Variants in DUSP22 observed in about 807,000 individuals in gnomAD.
The protein encoded by DUSP22 is dual specificity protein phosphatase 22.
In DUSP22, 24 loss-of-function variants were observed where a neutral mutation model predicts 24.5. That is an observed-to-expected ratio of 0.98 (90% CI 0.71 to 1.38). The LOEUF (loss-of-function observed/expected upper bound fraction) is 1.38. Among genes scored for constraint, DUSP22 ranks in the 40% most tolerant of loss-of-function variants. DUSP22 has a pLI of 0.00. For synonymous variants in DUSP22, 160 were observed against 106.4 expected, an observed-to-expected ratio of 1.50 and a Z score of -3.10; for missense variants, 330 against 269.2, an observed-to-expected ratio of 1.23 and a Z score of -1.58.
intron 3 of DUSP22, among the ~76,000 whole-genome samples, chr6:332,432 TG>T (rs1463615574): frequency 4.6e-5 from 7 of 152,298 alleles, no homozygotes; most frequent in Non-Finnish European, 8.8e-5. Context: ...CGTCTTCCTG[TG>T]GGTAGATTCT....
chr6:320,799 G>A (rs1450812953), intron 3 of DUSP22, among the ~76,000 whole-genome samples: 1 of 152,294 alleles, frequency 6.6e-6, no homozygotes, highest in East Asian at 1.9e-4. Flanking sequence ...ATGATAGAGT[G>A]GAGGCGGTGG....
intron 2 of DUSP22, among the ~76,000 whole-genome samples, chr6:310,638 G>T (rs1758039827): frequency 6.6e-6 from 1 of 152,306 alleles, no homozygotes; most frequent in Admixed American, 6.5e-5. Context: ...GACGTCTGGG[G>T]AAAGAAGTAA....
At chr6:345,241 CCT>C (rs1759805686) in intron 4 of DUSP22, among the ~76,000 whole-genome samples, 1 of 56,616 alleles carries the variant, frequency 1.8e-5, no homozygotes, top group Admixed American at 1.6e-4. Context: ...TTTTTTTTTT[CCT>C]CTGTTGCCCA....
chr6:341,029 G>A (rs1451873650), intron 4 of DUSP22, among the ~76,000 whole-genome samples: 2 of 152,306 alleles, frequency 1.3e-5, no homozygotes, highest in Non-Finnish European at 2.9e-5. Flanking sequence ...CCCAGGCAGA[G>A]GGTGCTGGTC....
Position 348,818 on chromosome 6 carries a change from C to G in DUSP22, c.485C>G (p.Ala162Gly). ...EEYGESPLQD[A>G]EEAKNILGKY... is the part of the protein sequence containing the mutation. ...TATGGAGAGAGCCCTTTGCAGGATG[C>G]AGAAGAAGCCAAAAACATTCTGGGT... Residue 162 changes from alanine to glycine, a missense_variant, in exon 7 of 7, where the codon GCA becomes GGA. By Grantham distance (60) the Ala-to-Gly change is moderately conservative. Coordinates refer to ENST00000419235, the MANE Select transcript of DUSP22 (RefSeq NM_001286555.3). 6.2e-7 allele frequency: 1 copy of G among 1,614,314 alleles called. No individual in the cohort carries two copies. Among genetic ancestry groups the G allele is most frequent in the Non-Finnish European group, 8.5e-7 (1 of 1,180,062 alleles).
intron 1 of DUSP22, among the ~76,000 whole-genome samples, chr6:299,309 C>T (rs1041467652): frequency 3.3e-5 from 5 of 152,304 alleles, no homozygotes; most frequent in Admixed American, 6.5e-5. Context: ...CTCTATAAAT[C>T]GTCTCTCTGC....
chr6:299,702 C>T (rs1561646240), intron 1 of DUSP22, among the ~76,000 whole-genome samples: 1 of 152,306 alleles, frequency 6.6e-6, no homozygotes, highest in Non-Finnish European at 1.5e-5. Context: ...GTAAAATACT[C>T]ATCTTCAATT....
chr6:342,789 A>G (rs1356514488), intron 4 of DUSP22, among the ~76,000 whole-genome samples: 1 of 152,312 alleles, frequency 6.6e-6, no homozygotes, highest in African/African-American at 2.4e-5. Context: ...AAGGTTTTCC[A>G]GAAGTCCCTA....
chr6:302,076 G>A (rs1211740140), intron 1 of DUSP22, among the ~76,000 whole-genome samples: 2 of 152,300 alleles, frequency 1.3e-5, no homozygotes, highest in South Asian at 2.1e-4. Context: ...GGACTGGAGT[G>A]TCAGATGGCG....
At chr6:318,701 C>T (rs1758440799) in intron 3 of DUSP22, among the ~76,000 whole-genome samples, 1 of 152,312 alleles carries the variant, frequency 6.6e-6, no homozygotes, top group Non-Finnish European at 1.5e-5. Flanking sequence ...AGGATAAACC[C>T]CCAAAGCCAC....
Position 350,320 on chromosome 6 carries a change from T to A in DUSP22, c.*1369T>A. 2.0e-6 allele frequency: 2 copies of A among 1,002,670 alleles called. No individual in the cohort carries two copies. Among genetic ancestry groups the A allele is most frequent in the Non-Finnish European group, 2.4e-6 (2 of 840,862 alleles). 62.1% of individuals were successfully genotyped at this position (1,002,670 alleles called of 1,614,324 possible). On this transcript the variant is annotated 3_prime_UTR_variant, in exon 7 of 7. Coordinates refer to ENST00000419235, the MANE Select transcript of DUSP22 (RefSeq NM_001286555.3). ...TTGTACTCTGGGGCTGCAGGCATCC[T>A]GGGACGCTGTACGCAATTCAGTGGT...
Position 349,121 on chromosome 6 carries a change from C to T in DUSP22, c.*170C>T. On this transcript the variant is annotated 3_prime_UTR_variant, in exon 7 of 7. Coordinates refer to ENST00000419235, the MANE Select transcript of DUSP22 (RefSeq NM_001286555.3). ...CGCCCAGCCCTGCTCCAGGCCCCTG[C>T]ACTCCGCCCACCCCTACCCTGGCTG... The T allele has an allele frequency of 3.5e-6, 5 of 1,443,148 alleles. No individual in the cohort carries two copies. The highest frequency in any genetic ancestry group is 4.5e-6 in the Non-Finnish European group (5 of 1,105,250). The allele number at this position is 1,443,148 out of a possible 1,614,324, so 89.4% of individuals were successfully genotyped here. A position where few individuals can be genotyped will look rare whatever the true frequency, so the allele number is the denominator to read the frequency against.
At position 345,744 on chromosome 6, in the gene DUSP22, T is replaced by C. The variant is rs1030722301; in HGVS notation, c.189-110T>C. The C allele has an allele frequency of 4.5e-6, 6 of 1,340,958 alleles. No homozygotes were observed. The African/African-American group carries it at 5.8e-5, about 13-fold the overall frequency. The allele number at this position is 1,340,958 out of a possible 1,614,324, so 83.1% of individuals were successfully genotyped here. ...AATATGTAGAATTATGTGTCAATTA[T>C]ACAAAAAAATCAATTAACATTTTAA... On this transcript the variant is annotated intron_variant, in intron 4 of 6. Coordinates refer to ENST00000419235, the MANE Select transcript of DUSP22 (RefSeq NM_001286555.3).
At chr6:297,987 A>G (rs1179011539) in intron 1 of DUSP22, among the ~76,000 whole-genome samples, 5 of 152,422 alleles carry the variant, frequency 3.3e-5, no homozygotes, top group East Asian at 1.9e-4. Context: ...AGACCCTGCC[A>G]TGCAGATCAG....
chr6:330,205 C>T (rs1759080107), intron 3 of DUSP22, among the ~76,000 whole-genome samples: 1 of 152,296 alleles, frequency 6.6e-6, no homozygotes. Context: ...CTAGTGGTGA[C>T]ATGTTTATTA....
At chr6:335,255 A>C in intron 4 of DUSP22, 92 bp downstream of exon 4, 1 of 1,504,176 alleles carries the variant, frequency 6.6e-7, no homozygotes, top group Non-Finnish European at 9.2e-7. Flanking sequence ...TGAAGTTGTC[A>C]GAGCTCACGG....
chr6:340,386 T>A (rs895363075), intron 4 of DUSP22, among the ~76,000 whole-genome samples: 1 of 152,302 alleles, frequency 6.6e-6, no homozygotes, highest in African/African-American at 2.4e-5. Flanking sequence ...CTGGAAAGCG[T>A]GCTGGGGCAG....
chr6:333,995 A>G (rs1239413778), intron 3 of DUSP22, among the ~76,000 whole-genome samples: 1 of 152,310 alleles, frequency 6.6e-6, no homozygotes, highest in African/African-American at 2.4e-5. Flanking sequence ...AGTTGTCCCT[A>G]TTGGCAAATA....
chr6:304,124 C>G (rs1406348990), intron 1 of DUSP22, among the ~76,000 whole-genome samples: 1 of 152,308 alleles, frequency 6.6e-6, no homozygotes, highest in Non-Finnish European at 1.5e-5. Flanking sequence ...TGGGCCTTCA[C>G]CTGGTCATGC....
Sources: gnomAD v4.1 joint callset for allele counts (sites outside exome capture counted in the v4.1 genomes callset) on GRCh38, gnomAD v4.1.1 for gene constraint, MANE v1.5 for transcripts, NCBI Gene and HGNC (gene_info 2026-07-23, HGNC 2026-07-21) for gene names.